The following NINL variants were observed in gnomAD, a reference collection of about 807,000 sequenced individuals.
NINL encodes the protein ninein-like protein.
In NINL, 153 loss-of-function variants were observed where a neutral mutation model predicts 160.3. The ratio of observed to expected loss-of-function variants is 0.95; its 90% CI spans 0.84 to 1.09. NINL has a LOEUF of 1.09. NINL is among the 50% of genes least tolerant of loss of function. NINL has a pLI of 0.00. For missense variants in NINL, 1,829 were observed against 1,764.0 expected (o/e 1.04, Z -0.66); for synonymous variants, 800 against 734.8 (o/e 1.09, Z -1.43).
chr20:25,510,492 C>G (rs1321769071), intron 5 of NINL, among the ~76,000 whole-genome samples, 182 bp downstream of exon 5: 1 of 152,250 alleles, frequency 6.6e-6, no homozygotes, highest in Non-Finnish European at 1.5e-5. Flanking sequence ...GACGGCCTCA[C>G]TGCTGTGATG....
At chr20:25,494,564 G>T (rs150452015) in intron 10 of NINL, among the ~76,000 whole-genome samples, 1 of 152,126 alleles carries the variant, frequency 6.6e-6, no homozygotes, top group Non-Finnish European at 1.5e-5. Flanking sequence ...GTGTACAGCC[G>T]TCCCCAGCCA....
At chr20:25,575,588 T>C (rs908293498) in intron 1 of NINL, among the ~76,000 whole-genome samples, 9 of 151,610 alleles carry the variant, frequency 5.9e-5, no homozygotes, top group Non-Finnish European at 1.3e-4. Flanking sequence ...CCGTCTCTAC[T>C]AAAAAGTAAA....
intron 14 of NINL, among the ~76,000 whole-genome samples, chr20:25,481,431 C>T (rs971870216): frequency 6.6e-6 from 1 of 152,138 alleles, no homozygotes; most frequent in South Asian, 2.1e-4. Flanking sequence ...ATGTGGGTTC[C>T]GGGGACCCTG....
chr20:25,537,753 C>T lies in NINL; in HGVS notation c.-11-11155G>A, dbSNP rs964795867. 2.6e-5 allele frequency among the ~76,000 whole-genome samples: 4 copies of T among 152,134 alleles called. No homozygotes were observed. The South Asian group carries it at 6.2e-4, about 24-fold the overall frequency. ...GGAGGAGGAACCTGTAAACGAGCTT[C>T]GTGCCTTCACTGTCCCATTGTGGGG... On this transcript the variant is annotated intron_variant, in intron 1 of 23. Transcript: ENST00000278886.
At chr20:25,454,751 C>T (rs1600966579) in intron 23 of NINL, among the ~76,000 whole-genome samples, 1 of 152,138 alleles carries the variant, frequency 6.6e-6, no homozygotes, top group African/African-American at 2.4e-5. Flanking sequence ...CATCAGCCCT[C>T]AGGGCACAGC....
At chr20:25,536,932 C>G (rs761080284) in intron 1 of NINL, among the ~76,000 whole-genome samples, 8 of 152,118 alleles carry the variant, frequency 5.3e-5, no homozygotes, top group Non-Finnish European at 7.3e-5. Context: ...CTTGCTCATA[C>G]TCTGTAGGCT....
In NINL at chr20:25,510,657, C is replaced by A. The variant is rs190198815; in HGVS notation, c.517+17G>T. 19 of 1,611,954 alleles carry A rather than the reference C, an allele frequency of 1.2e-5. No individual in the cohort carries two copies. Among genetic ancestry groups the A allele is most frequent in the Middle Eastern group, 1.8e-4 (1 of 5,618 alleles). On this transcript the variant is annotated intron_variant, in intron 5 of 23. Transcript: ENST00000278886. Reference sequence around the variant, plus strand: ...GGGCAAAGGCAGAGAGCACTGAATGCGAGGCTGAGGCTTTACCTTGTGCTT... The same window carrying A: ...GGGCAAAGGCAGAGAGCACTGAATGAGAGGCTGAGGCTTTACCTTGTGCTT...
intron 10 of NINL, among the ~76,000 whole-genome samples, chr20:25,495,446 CTG>C (rs754260663): frequency 4.6e-5 from 7 of 152,188 alleles, no homozygotes; most frequent in Non-Finnish European, 7.3e-5. Flanking sequence ...GCAGCGAGTG[CTG>C]TGTCTGTGTT....
chr20:25,506,901 T>C (rs577758697), intron 5 of NINL, among the ~76,000 whole-genome samples: 6 of 152,308 alleles, frequency 3.9e-5, no homozygotes, highest in South Asian at 2.1e-4. Flanking sequence ...AGAAAAAATA[T>C]ATATATTCTT....
chr20:25,573,838 T>C (rs1265071113), intron 1 of NINL, among the ~76,000 whole-genome samples: 2 of 152,194 alleles, frequency 1.3e-5, no homozygotes, highest in African/African-American at 4.8e-5. Context: ...TGAGGAGACC[T>C]GAAAAGTTTC....
chr20:25,533,692 C>A (rs566026490), intron 1 of NINL, among the ~76,000 whole-genome samples: 43 of 152,280 alleles, frequency 2.8e-4, no homozygotes, highest in African/African-American at 9.6e-4. Flanking sequence ...GACTGTCTCT[C>A]CAATAAATGC....
chr20:25,581,347 CAA>C (rs1379000471), intron 1 of NINL, among the ~76,000 whole-genome samples: 4 of 151,822 alleles, frequency 2.6e-5, no homozygotes, highest in Admixed American at 6.6e-5. Flanking sequence ...GAAGCTGAGA[CAA>C]GAGAATCGCT....
chr20:25,584,902 C>A (rs2065211261), intron 1 of NINL, among the ~76,000 whole-genome samples: 1 of 152,248 alleles, frequency 6.6e-6, no homozygotes, highest in African/African-American at 2.4e-5. Context: ...AAAACGAGTA[C>A]AACAGATAAA....
In NINL at chr20:25,496,739, T is replaced by A. The variant is rs1185625027; in HGVS notation, c.1234A>T (p.Lys412Ter). 1 of 1,614,002 alleles carries A rather than the reference T, an allele frequency of 6.2e-7. No individual in the cohort carries two copies. The highest frequency in any genetic ancestry group is 8.5e-7 in the Non-Finnish European group (1 of 1,180,018). Residue 412 changes from lysine (K) to a stop codon, truncating the protein, a stop_gained, in exon 10 of 24, where the codon AAG becomes TAG. Transcript: ENST00000278886. LOFTEE classifies it high-confidence loss of function. Reference protein sequence around the residue: ...KARQDLERAEKRNLEFVKEMD... With the variant: ...KARQDLERAE ...TCTTTCACAAACTCCAGGTTCCTCT[T>A]CTCGGCCCTCTCCAGGTCCTGCCTT...
intron 21 of NINL, 86 bp downstream of exon 21, chr20:25,461,436 G>A: frequency 1.3e-6 from 1 of 774,634 alleles, no homozygotes; most frequent in South Asian, 1.8e-5. Context: ...TGGGCTGGAG[G>A]AGGCCTGGCA....
intron 3 of NINL, among the ~76,000 whole-genome samples, chr20:25,515,963 G>C (rs1666116092): frequency 6.6e-6 from 1 of 151,934 alleles, no homozygotes. Flanking sequence ...TTTTAGTAGA[G>C]ACGGGGTTTC....
rs139748172 is a variant in NINL at position 25,493,441 on chromosome 20, G to A, written c.1311-1916C>T. 2.9e-4 allele frequency among the ~76,000 whole-genome samples: 44 copies of A among 152,268 alleles called. 1 individual carries two copies. The South Asian group carries it at 2.9e-3, about 10-fold the overall frequency. On this transcript the variant is annotated intron_variant, in intron 10 of 23. Transcript: ENST00000278886. Reference sequence around the variant, plus strand: ...GACGAACCGAGCTTACAACAGAGCCGTCAGGAGAAAGGAGGGGGCGTCCAG... The same window carrying A: ...GACGAACCGAGCTTACAACAGAGCCATCAGGAGAAAGGAGGGGGCGTCCAG...
At chr20:25,513,129 G>T in intron 3 of NINL, 123 bp from the exon 4 acceptor site, 1 of 894,998 alleles carries the variant, frequency 1.1e-6, no homozygotes, top group Non-Finnish European at 1.7e-6. Flanking sequence ...AACACGTACT[G>T]CTCTGCACAC....
intron 1 of NINL, among the ~76,000 whole-genome samples, chr20:25,564,154 T>G (rs2064974606): frequency 6.6e-6 from 1 of 150,994 alleles, no homozygotes; most frequent in Non-Finnish European, 1.5e-5. Flanking sequence ...TTTTCTTTTT[T>G]CTTTTTTTTT....
Sources: allele counts gnomAD v4.1 joint callset (sites outside exome capture counted in the v4.1 genomes callset), GRCh38; gene constraint gnomAD v4.1.1; transcripts MANE v1.5; gene names NCBI Gene and HGNC (gene_info 2026-07-23, HGNC 2026-07-21).